ZNF677: variants seen among roughly 807,000 people sequenced by gnomAD.
ZNF677 encodes hypothetical protein MGC48625.
A neutral mutation model predicts 8.1 loss-of-function variants in ZNF677; 5 were observed. That is an observed-to-expected ratio of 0.62 (90% CI 0.32 to 1.29). The LOEUF (loss-of-function observed/expected upper bound fraction) is 1.29. ZNF677 is among the 50% of genes most tolerant of loss of function. The pLI is 0.05. For synonymous variants in ZNF677, 221 were observed against 225.6 expected (o/e 0.98, Z 0.18); for missense variants, 685 against 685.9 (o/e 1.00, Z 0.01).
chr19:53,237,027 C>T lies in ZNF677; in HGVS notation c.1700G>A (p.Arg567Lys). ...NLGDHQKSYN[R>K]EKHIKYNETK... ...CTCATTATATTTGATATGTTTTTCT[C>T]TATTATAACTTTTTTGATGATCTCC... The change falls in exon 5 of 5, where the codon AGA becomes AAA. Residue 567 changes from arginine to lysine, a missense_variant. Arg to Lys is a conservative substitution (Grantham distance 26). Transcript: ENST00000598513. 6.3e-7 allele frequency: 1 copy of T among 1,598,852 alleles called. No individual in the cohort carries two copies. The highest frequency in any genetic ancestry group is 1.1e-5 in the South Asian group (1 of 87,636).
At chr19:53,251,934 G>T (rs747810418) in intron 2 of ZNF677, among the ~76,000 whole-genome samples, 2 of 152,154 alleles carry the variant, frequency 1.3e-5, no homozygotes, top group Non-Finnish European at 2.9e-5. Context: ...GTCAATGCAG[G>T]ATATAAAAGC....
In ZNF677 at chr19:53,237,413, C is replaced by T; in HGVS notation, c.1314G>A (p.Arg438=). The T allele has an allele frequency of 6.2e-7, 1 of 1,613,742 alleles. No individual in the cohort carries two copies. The change falls in exon 5 of 5, where the codon AGG becomes AGA. Residue 438 remains arginine, a synonymous_variant. Transcript: ENST00000598513. Reference sequence around the variant, plus strand: ...CAAGACTTGAACTTTGGATAAAAGCCCTGCCACACACATTACATTTGTGTG... The same window carrying T: ...CAAGACTTGAACTTTGGATAAAAGCTCTGCCACACACATTACATTTGTGTG... ...EKPHKCNVCG[R]AFIQSSSLVE...
intron 4 of ZNF677, chr19:53,242,314 C>T (rs1329292317): frequency 3.3e-5 from 13 of 398,306 alleles, no homozygotes; most frequent in African/African-American, 2.5e-4. Flanking sequence ...CCCTAAGTTC[C>T]CGGATAGAGT....
chr19:53,252,674 A>T (rs762364580), intron 2 of ZNF677, among the ~76,000 whole-genome samples: 2 of 152,226 alleles, frequency 1.3e-5, no homozygotes, highest in Non-Finnish European at 2.9e-5. Context: ...TCTCTTCATT[A>T]TGAACAGACG....
rs753018763 is a variant in ZNF677 at position 53,238,428 on chromosome 19, C to G, written c.299G>C (p.Trp100Ser). ...GINNFDLKEVWENMPKFDSLW... is the reference protein window; with the variant it reads ...GINNFDLKEVSENMPKFDSLW... ...GCTGTCAAACTTAGGCATATTTTCCCAGACTTCCTTGAGGTCAAAATTGTT... is the reference window on the plus strand; with the variant it reads ...GCTGTCAAACTTAGGCATATTTTCCGAGACTTCCTTGAGGTCAAAATTGTT... Residue 100 changes from tryptophan (W) to serine (S), a missense_variant, in exon 5 of 5, where the codon TGG becomes TCG. By Grantham distance (177) the Trp-to-Ser change is radical. Transcript: ENST00000598513. 6.2e-7 allele frequency: 1 copy of G among 1,613,820 alleles called. No individual in the cohort carries two copies.
In ZNF677 at chr19:53,237,855, T is replaced by A; in HGVS notation, c.872A>T (p.Tyr291Phe). The change falls in exon 5 of 5, where the codon TAC becomes TTC. Residue 291 changes from tyrosine (Y) to phenylalanine (F), a missense_variant. Coordinates refer to ENST00000598513, the MANE Select transcript of ZNF677 (RefSeq NM_182609.4). ...HQRIHSGQRP[Y>F]KCNECGKAFN... ...GGCTTTGCCACACTCGTTACATTTG[T>A]AAGGTCTCTGTCCAGAGTGAATTCT... The A allele has an allele frequency of 6.2e-7, 1 of 1,613,864 alleles. No individual in the cohort carries two copies. Among genetic ancestry groups the A allele is most frequent in the Admixed American group, 1.7e-5 (1 of 60,006 alleles).
At position 53,242,455 on chromosome 19, in the gene ZNF677, T is replaced by C. The variant is rs2091068031; in HGVS notation, c.169+1289A>G. On this transcript the variant is annotated intron_variant, in intron 4 of 4. Transcript: ENST00000598513. ...AAGGTGAGAACCTAAAAGAATGAGA[T>C]ATATTCCCATTTTGGAATGGCAATC... 5 of 398,632 alleles carry C rather than the reference T, an allele frequency of 1.3e-5. No homozygotes were observed. The South Asian group carries it at 6.4e-4, about 51-fold the overall frequency. 24.7% of individuals were successfully genotyped at this position (398,632 alleles called of 1,614,324 possible). A position where few individuals can be genotyped will look rare whatever the true frequency, so the allele number is the denominator to read the frequency against.
In ZNF677 at chr19:53,238,044, G is replaced by A. The variant is rs1244741858; in HGVS notation, c.683C>T (p.Pro228Leu). ...EKSINSSSVS[P>L]LPPCVKNICN... Reference sequence around the variant, plus strand: ...AATGTTTTTGACACAAGGAGGAAGTGGTGAAACTGAGGAACTATTGATAGA... The same window carrying A: ...AATGTTTTTGACACAAGGAGGAAGTAGTGAAACTGAGGAACTATTGATAGA... The change falls in exon 5 of 5, where the codon CCA becomes CTA. Residue 228 changes from proline (P) to leucine (L), a missense_variant. By Grantham distance (98) the Pro-to-Leu change is moderately conservative (BLOSUM62 -3). Coordinates refer to ENST00000598513, the MANE Select transcript of ZNF677 (RefSeq NM_182609.4). 1.2e-6 allele frequency: 2 copies of A among 1,613,978 alleles called. No homozygotes were observed. Among genetic ancestry groups the A allele is most frequent in the Admixed American group, 3.3e-5 (2 of 60,004 alleles).
intron 3 of ZNF677, among the ~76,000 whole-genome samples, chr19:53,246,282 C>A (rs1324471158): frequency 6.9e-6 from 1 of 144,632 alleles, no homozygotes; most frequent in Admixed American, 7.0e-5. Context: ...CGCGCCACTG[C>A]ACTCCAGCCT....
intron 3 of ZNF677, among the ~76,000 whole-genome samples, chr19:53,247,118 G>C (rs1374959618): frequency 1.3e-5 from 2 of 152,170 alleles, no homozygotes; most frequent in Admixed American, 6.5e-5. Context: ...ATTGTGGTGT[G>C]AGAATAGTTT....
At position 53,243,752 on chromosome 19, in the gene ZNF677, G is replaced by A. The variant is rs756776302; in HGVS notation, c.161C>T (p.Pro54Leu). Residue 54 changes from proline to leucine, a missense_variant, in exon 4 of 5, where the codon CCA (proline) becomes CTA (leucine). Coordinates refer to ENST00000598513, the MANE Select transcript of ZNF677 (RefSeq NM_182609.4). ...LLSLDEDNIP[P>L]EDDISVGFTS... is the part of the protein sequence containing the mutation. ...TGTACAAGGGTGGTTACCATCTTCT[G>A]GAGGGATGTTATCCTCATCGAGAGA... 11 of 1,614,042 alleles carry A rather than the reference G, an allele frequency of 6.8e-6. No homozygotes were observed. Among genetic ancestry groups the A allele is most frequent in the Non-Finnish European group, 9.3e-6 (11 of 1,180,036 alleles).
At position 53,251,611 on chromosome 19, in the gene ZNF677, T is replaced by C. The variant is rs1182662559; in HGVS notation, c.-55-6A>G. ...TCTTTCTCAGGTAAGTCAGTCTGTA[T>C]GTCAAAAATATGTTGTTTAATGCTT... is the stretch of plus-strand genomic sequence containing the variant. On this transcript the variant is annotated splice_polypyrimidine_tract_variant and splice_region_variant and intron_variant, in intron 2 of 4. Coordinates refer to ENST00000598513, the MANE Select transcript of ZNF677 (RefSeq NM_182609.4). The C allele has an allele frequency of 3.1e-6, 5 of 1,610,068 alleles. No homozygotes were observed. The highest frequency in any genetic ancestry group is 4.2e-6 in the Non-Finnish European group (5 of 1,177,594).
chr19:53,250,628 C>A (rs1236380785), intron 3 of ZNF677, among the ~76,000 whole-genome samples: 2 of 152,090 alleles, frequency 1.3e-5, no homozygotes, highest in East Asian at 3.9e-4. Flanking sequence ...TATGAGAACA[C>A]ATGGACACAT....
chr19:53,250,212 C>T (rs371185077), intron 3 of ZNF677, among the ~76,000 whole-genome samples: 18 of 152,136 alleles, frequency 1.2e-4, no homozygotes, highest in African/African-American at 3.6e-4. Context: ...ATAACAGATG[C>T]TGGTGAGGTT....
rs758946515 is a variant in ZNF677, at chr19:53,251,567, T to C, written c.-17A>G. Reference sequence around the variant, plus strand: ...AAGAGCCATTCCCTCCTCTTCTTTCTTTCCTCTTCCTCTGAGTTTCTTTCT... The same window carrying C: ...AAGAGCCATTCCCTCCTCTTCTTTCCTTCCTCTTCCTCTGAGTTTCTTTCT... On this transcript the variant is annotated 5_prime_UTR_variant, in exon 3 of 5. Transcript: ENST00000598513. The C allele has an allele frequency of 9.7e-5, 157 of 1,613,818 alleles. No homozygotes were observed. The highest frequency in any genetic ancestry group is 1.3e-4 in the Non-Finnish European group (148 of 1,179,860).
chr19:53,249,136 T>C (rs1312155461), intron 3 of ZNF677: 2 of 152,236 alleles, frequency 1.3e-5, no homozygotes, highest in Non-Finnish European at 2.9e-5. Context: ...TTTTTAATAA[T>C]TTCTATGTTT....
intron 4 of ZNF677, chr19:53,242,219 A>ACC: frequency 2.5e-6 from 1 of 398,246 alleles, no homozygotes; most frequent in Non-Finnish European, 4.4e-6. Context: ...GGCGTGAGGC[A>ACC]CCACGCCCAT....
chr19:53,243,618 C>T, intron 4 of ZNF677, 126 bp downstream of exon 4: 1 of 1,271,662 alleles, frequency 7.9e-7, no homozygotes, highest in Non-Finnish European at 1.1e-6. Flanking sequence ...CATTATGAAG[C>T]CTTTCCACTC....
intron 3 of ZNF677, 38 bp downstream of exon 3, chr19:53,251,498 G>A (rs764059865): frequency 1.3e-6 from 2 of 1,573,950 alleles, no homozygotes; most frequent in South Asian, 2.2e-5. Context: ...TTTCAGGAAG[G>A]AGAGGACAAA....
Sources: allele counts gnomAD v4.1 joint callset (sites outside exome capture counted in the v4.1 genomes callset), GRCh38; gene constraint gnomAD v4.1.1; transcripts MANE v1.5; gene names NCBI Gene and HGNC (gene_info 2026-07-23, HGNC 2026-07-21).